PRKG2: variants seen among roughly 807,000 people sequenced by gnomAD.
PRKG2 encodes cGMP-dependent protein kinase 2.
PRKG2 carries 33 observed loss-of-function variants against 97.2 expected under a neutral mutation model. The ratio of observed to expected loss-of-function variants is 0.34; its 90% CI spans 0.26 to 0.45. PRKG2 has a LOEUF of 0.45. Among genes scored for constraint, PRKG2 ranks in the 20% least tolerant of loss-of-function variants. The pLI, the probability that PRKG2 is intolerant of heterozygous loss-of-function variation, is 1.00. For missense variants in PRKG2, 638 were observed against 900.0 expected, an observed-to-expected ratio of 0.71 and a Z score of 3.73; for synonymous variants, 330 against 321.8, an observed-to-expected ratio of 1.03 and a Z score of -0.27.
upstream of PRKG2, among the ~76,000 whole-genome samples, chr4:81,215,959 T>C (rs367856771): frequency 3.9e-5 from 6 of 152,086 alleles, no homozygotes; most frequent in Non-Finnish European, 8.8e-5. Flanking sequence ...TTTGCTGTGC[T>C]CTGGAGTTGT....
intron 2 of PRKG2, among the ~76,000 whole-genome samples, chr4:81,181,551 G>T (rs969008714): frequency 4.6e-5 from 7 of 151,520 alleles, no homozygotes; most frequent in African/African-American, 1.7e-4. Context: ...CAGGAAAAAA[G>T]AAATATAATG....
At chr4:81,105,656 A>G (rs1183618773) in intron 16 of PRKG2, among the ~76,000 whole-genome samples, 157 bp downstream of exon 16, 1 of 152,174 alleles carries the variant, frequency 6.6e-6, no homozygotes, top group Non-Finnish European at 1.5e-5. Flanking sequence ...AAAACCCCCT[A>G]CACTGCAAAA....
At chr4:81,202,592 A>G (rs1753384026) in intron 2 of PRKG2, among the ~76,000 whole-genome samples, 1 of 152,180 alleles carries the variant, frequency 6.6e-6, no homozygotes, top group South Asian at 2.1e-4. Flanking sequence ...ACAGACTTGT[A>G]TCCACTTGGC....
chr4:81,156,570 C>G (rs1219892702), intron 6 of PRKG2, among the ~76,000 whole-genome samples: 1 of 152,104 alleles, frequency 6.6e-6, no homozygotes, highest in Non-Finnish European at 1.5e-5. Context: ...CAGCTCTGCA[C>G]CAAGCTGACC....
chr4:81,171,675 T>C lies in PRKG2; in HGVS notation c.742+16A>G, dbSNP rs1161412510. ...GCCACAACAATTCAAAGATGGAGCA[T>C]TTCCTCTTTTATTACCTTTCACAGA... On this transcript the variant is annotated intron_variant, in intron 4 of 18. Transcript: ENST00000264399. 1 of 1,559,936 alleles carries C rather than the reference T, an allele frequency of 6.4e-7. No individual in the cohort carries two copies. Among genetic ancestry groups the C allele is most frequent in the Admixed American group, 1.8e-5 (1 of 55,398 alleles).
intron 2 of PRKG2, among the ~76,000 whole-genome samples, chr4:81,199,487 C>A (rs1753164542): frequency 6.6e-6 from 1 of 152,110 alleles, no homozygotes; most frequent in Non-Finnish European, 1.5e-5. Flanking sequence ...ATTTTGAATT[C>A]TGTTTCCTAT....
intron 14 of PRKG2, among the ~76,000 whole-genome samples, chr4:81,133,163 C>T (rs1746341966): frequency 6.6e-6 from 1 of 152,108 alleles, no homozygotes; most frequent in Non-Finnish European, 1.5e-5. Flanking sequence ...TCCTTGAAGA[C>T]TGGGCACCCA....
At chr4:81,180,205 T>C (rs546582452) in intron 2 of PRKG2, among the ~76,000 whole-genome samples, 3 of 152,256 alleles carry the variant, frequency 2.0e-5, no homozygotes, top group Non-Finnish European at 2.9e-5. Flanking sequence ...AATTAAAATA[T>C]ATACTTCATT....
intron 3 of PRKG2, 74 bp from the exon 4 acceptor site, chr4:81,171,878 A>G (rs1329700602): frequency 2.0e-6 from 2 of 1,021,438 alleles, no homozygotes; most frequent in African/African-American, 3.3e-5. Context: ...TTAGTAAAAT[A>G]AAACAATCAT....
At chr4:81,171,599 C>T (rs1056709981) in intron 4 of PRKG2, 92 bp downstream of exon 4, 7 of 917,912 alleles carry the variant, frequency 7.6e-6, no homozygotes, top group Non-Finnish European at 1.1e-5. Context: ...AAATGGGAAA[C>T]AGACTGTGGA....
intron 17 of PRKG2, among the ~76,000 whole-genome samples, chr4:81,094,273 T>C (rs1025094800): frequency 1.3e-5 from 2 of 152,118 alleles, no homozygotes; most frequent in African/African-American, 4.8e-5. Flanking sequence ...TTGGGAAAGA[T>C]TATTTAATAT....
chr4:81,185,631 C>T (rs957553473), intron 2 of PRKG2, among the ~76,000 whole-genome samples: 1 of 151,778 alleles, frequency 6.6e-6, no homozygotes, highest in Non-Finnish European at 1.5e-5. Flanking sequence ...ATAATATTAA[C>T]CTTAAATGTA....
intron 17 of PRKG2, among the ~76,000 whole-genome samples, chr4:81,093,184 A>G (rs1256116435): frequency 1.3e-5 from 2 of 151,522 alleles, no homozygotes; most frequent in African/African-American, 4.9e-5. Context: ...TCTTCTCACT[A>G]TTCTCCTAAC....
intron 17 of PRKG2, among the ~76,000 whole-genome samples, chr4:81,093,589 A>G (rs571373595): frequency 3.3e-5 from 5 of 152,278 alleles, no homozygotes; most frequent in African/African-American, 1.2e-4. Context: ...AGTGCTTGAT[A>G]TGGGACAGGG....
At chr4:81,092,322 A>G in intron 18 of PRKG2, 64 bp downstream of exon 18, 1 of 1,161,450 alleles carries the variant, frequency 8.6e-7, no homozygotes, top group Non-Finnish European at 1.2e-6. Flanking sequence ...CACACATCTA[A>G]AATCTGTGTA....
At chr4:81,164,392 G>A (rs778944122) in intron 6 of PRKG2, among the ~76,000 whole-genome samples, 13 of 151,858 alleles carry the variant, frequency 8.6e-5, no homozygotes, top group East Asian at 1.9e-4. Flanking sequence ...AAACTGTAGC[G>A]AAATCTACAA....
At chr4:81,126,508 C>A (rs1431545942) in intron 14 of PRKG2, among the ~76,000 whole-genome samples, 1 of 152,122 alleles carries the variant, frequency 6.6e-6, no homozygotes, top group Non-Finnish European at 1.5e-5. Flanking sequence ...GTAAAAGCAT[C>A]CCTATTTCTC....
At chr4:81,167,057 T>G in intron 6 of PRKG2, 104 bp downstream of exon 6, 1 of 851,222 alleles carries the variant, frequency 1.2e-6, no homozygotes, top group South Asian at 1.8e-5. Flanking sequence ...TTGGTCTCTG[T>G]AGACTGGTGC....
rs1172565888 is a variant in PRKG2 at position 81,113,175 on chromosome 4, T to C, written c.1777-2564A>G. Reference sequence around the variant, plus strand: ...GGAAGAGAGGCAAGAAGTGAGAGCATTGTGGGTTTGTAAACCACAGAAATA... The same window carrying C: ...GGAAGAGAGGCAAGAAGTGAGAGCACTGTGGGTTTGTAAACCACAGAAATA... On this transcript the variant is annotated intron_variant, in intron 14 of 18. Coordinates refer to ENST00000264399, the MANE Select transcript of PRKG2 (RefSeq NM_006259.3). 2.0e-5 allele frequency among the ~76,000 whole-genome samples: 3 copies of C among 152,290 alleles called. No homozygotes were observed. In the East Asian group the frequency reaches 5.8e-4, roughly 29 times the overall value.
Sources: gnomAD v4.1 joint callset for allele counts (sites outside exome capture counted in the v4.1 genomes callset) on GRCh38, gnomAD v4.1.1 for gene constraint, MANE v1.5 for transcripts, NCBI Gene and HGNC (gene_info 2026-07-23, HGNC 2026-07-21) for gene names.